SHISA6: variants seen among roughly 807,000 people sequenced by gnomAD.
The protein encoded by SHISA6 is shisa family member 6, also known as protein shisa-6.
SHISA6 carries 22 observed loss-of-function variants against 47.9 expected under a neutral mutation model. The ratio of observed to expected loss-of-function variants is 0.46; its 90% confidence interval spans 0.33 to 0.66. The LOEUF (loss-of-function observed/expected upper bound fraction) is 0.66, where lower values mean the gene tolerates loss of function less well. Ranked by LOEUF, SHISA6 falls within the 30% of genes least tolerant of loss-of-function variation. SHISA6 has a pLI of 0.02. For synonymous variants in SHISA6, 388 were observed against 337.8 expected, an observed-to-expected ratio of 1.15 and a Z score of -1.63; for missense variants, 680 against 764.6, an observed-to-expected ratio of 0.89 and a Z score of 1.30.
chr17:11,357,340 A>AC (rs1912113224), intron 2 of SHISA6, among the ~76,000 whole-genome samples: 2 of 152,040 alleles, frequency 1.3e-5, no homozygotes, highest in Non-Finnish European at 2.9e-5. Flanking sequence ...TTTCTAAGTT[A>AC]CCCCTCCCAT....
chr17:11,482,849 GTCA>G (rs1916254423), intron 3 of SHISA6, among the ~76,000 whole-genome samples: 1 of 152,014 alleles, frequency 6.6e-6, no homozygotes, highest in Non-Finnish European at 1.5e-5. Flanking sequence ...ATTAATGACT[GTCA>G]TCATCATAAA....
intron 1 of SHISA6, among the ~76,000 whole-genome samples, chr17:11,260,847 C>T (rs1397287541): frequency 1.3e-5 from 2 of 152,146 alleles, no homozygotes; most frequent in African/African-American, 2.4e-5. Flanking sequence ...CTTTCTCTCC[C>T]TCTCTGTTTG....
intron 3 of SHISA6, among the ~76,000 whole-genome samples, chr17:11,523,121 A>C (rs2071644595): frequency 6.6e-6 from 1 of 152,208 alleles, no homozygotes; most frequent in African/African-American, 2.4e-5. Context: ...AAAAAATCCC[A>C]TGGTAAGTTT....
Position 11,272,067 on chromosome 17 carries a change from G to A in SHISA6, c.799+8541G>A, listed in dbSNP as rs570232232. 9.2e-5 allele frequency among the ~76,000 whole-genome samples: 14 copies of A among 151,996 alleles called. No homozygotes were observed. The South Asian group carries it at 2.9e-3, about 32-fold the overall frequency. ...TTCAGCTCCCCTTACCTCCTCCTCA[G>A]CCCATCTCCTCCGCTCCACTACCAG... On this transcript the variant is annotated intron_variant, in intron 2 of 5. Coordinates refer to ENST00000441885, the MANE Select transcript of SHISA6 (RefSeq NM_207386.4).
intron 3 of SHISA6, among the ~76,000 whole-genome samples, chr17:11,536,784 C>A (rs1000088665): frequency 2.0e-5 from 3 of 152,140 alleles, no homozygotes; most frequent in African/African-American, 4.8e-5. Flanking sequence ...TCAAGGTTGT[C>A]TTCCCATGGG....
intron 2 of SHISA6, among the ~76,000 whole-genome samples, chr17:11,328,096 T>C (rs1268812248): frequency 6.6e-6 from 1 of 152,226 alleles, no homozygotes; most frequent in African/African-American, 2.4e-5. Flanking sequence ...GCATGATCTT[T>C]TAACCCTCAA....
chr17:11,352,825 T>A (rs1911934197), intron 2 of SHISA6, among the ~76,000 whole-genome samples: 1 of 152,068 alleles, frequency 6.6e-6, no homozygotes, highest in Admixed American at 6.5e-5. Flanking sequence ...TTTATTGGAG[T>A]GGTCTTTCTA....
intron 2 of SHISA6, among the ~76,000 whole-genome samples, chr17:11,279,765 G>A (rs1262103962): frequency 3.3e-5 from 5 of 151,774 alleles, no homozygotes; most frequent in African/African-American, 4.8e-5. Context: ...ATCCATAGCC[G>A]TAAGGTCACT....
chr17:11,500,288 G>A lies in SHISA6; in HGVS notation c.896-51608G>A, dbSNP rs77701986. Among the ~76,000 whole-genome samples, 1,521 of 152,270 alleles carry A rather than the reference G, an allele frequency of 1.0e-2. 21 individuals carry two copies. The highest frequency in any genetic ancestry group is 0.028 in the African/African-American group (1,177 of 41,544). On this transcript the variant is annotated intron_variant, in intron 3 of 5. Coordinates refer to ENST00000441885, the MANE Select transcript of SHISA6 (RefSeq NM_207386.4). ...AGAAGAGGCAGTTTGGAAAAGCAGCGTCGTGGTGCCCCAGAATGTTTAGAG... is the reference window on the plus strand; with the variant it reads ...AGAAGAGGCAGTTTGGAAAAGCAGCATCGTGGTGCCCCAGAATGTTTAGAG...
chr17:11,513,939 A>G (rs2142357051), intron 3 of SHISA6, among the ~76,000 whole-genome samples: 1 of 152,318 alleles, frequency 6.6e-6, no homozygotes, highest in East Asian at 1.9e-4. Flanking sequence ...CAGGCAAGCT[A>G]CAGAAGCAGC....
At chr17:11,382,597 T>C (rs1324968737) in intron 3 of SHISA6, among the ~76,000 whole-genome samples, 2 of 152,226 alleles carry the variant, frequency 1.3e-5, no homozygotes, top group Non-Finnish European at 2.9e-5. Flanking sequence ...TAATTCTCTT[T>C]GTTTTATTTC....
At chr17:11,418,425 G>A (rs1434175497) in intron 3 of SHISA6, among the ~76,000 whole-genome samples, 1 of 151,812 alleles carries the variant, frequency 6.6e-6, no homozygotes, top group Non-Finnish European at 1.5e-5. Context: ...TTACTTTTTT[G>A]TTATTTTTTT....
chr17:11,384,029 A>C (rs572074697), intron 3 of SHISA6, among the ~76,000 whole-genome samples: 2 of 151,910 alleles, frequency 1.3e-5, no homozygotes, highest in South Asian at 4.2e-4. Context: ...TACATACATA[A>C]ATACATACAT....
At chr17:11,379,190 TTA>T (rs960138217) in intron 2 of SHISA6, among the ~76,000 whole-genome samples, 1 of 148,266 alleles carries the variant, frequency 6.7e-6, no homozygotes, top group African/African-American at 2.5e-5. Flanking sequence ...GTATATATAA[TTA>T]TATATGTGTA....
At chr17:11,260,189 C>T (rs1033428858) in intron 1 of SHISA6, among the ~76,000 whole-genome samples, 2 of 152,154 alleles carry the variant, frequency 1.3e-5, no homozygotes. Context: ...GATTAATTTA[C>T]TCTCCCCTGC....
chr17:11,440,134 C>T (rs1915057346), intron 3 of SHISA6, among the ~76,000 whole-genome samples: 1 of 152,050 alleles, frequency 6.6e-6, no homozygotes, highest in Non-Finnish European at 1.5e-5. Context: ...GTACTAGGTC[C>T]CCAAGAAACA....
intron 2 of SHISA6, among the ~76,000 whole-genome samples, chr17:11,362,758 G>A (rs980432979): frequency 6.0e-4 from 91 of 152,242 alleles, no homozygotes; most frequent in African/African-American, 2.2e-3. Context: ...GCAGTCTAGC[G>A]CCATATCCAA....
chr17:11,341,338 T>C (rs1009049665), intron 2 of SHISA6, among the ~76,000 whole-genome samples: 7 of 144,482 alleles, frequency 4.8e-5, no homozygotes, highest in African/African-American at 7.8e-5. Flanking sequence ...CTTTTTTTTT[T>C]TTTTTTTTTT....
At chr17:11,293,698 A>C (rs143084441) in intron 2 of SHISA6, among the ~76,000 whole-genome samples, 1 of 152,046 alleles carries the variant, frequency 6.6e-6, no homozygotes, top group Non-Finnish European at 1.5e-5. Flanking sequence ...ATCTCGATGG[A>C]TATCTGCTGC....
Sources: gnomAD v4.1 joint callset for allele counts (sites outside exome capture counted in the v4.1 genomes callset) on GRCh38, gnomAD v4.1.1 for gene constraint, MANE v1.5 for transcripts, NCBI Gene and HGNC (gene_info 2026-07-23, HGNC 2026-07-21) for gene names.